Variants in CNTN5 observed in about 807,000 individuals in gnomAD.
CNTN5 encodes contactin 5.
In CNTN5, 77 loss-of-function variants were observed where a neutral mutation model predicts 129.1. The ratio of observed to expected loss-of-function variants is 0.60; its 90% CI spans 0.50 to 0.72. The LOEUF (loss-of-function observed/expected upper bound fraction) is 0.72, where lower values mean the gene tolerates loss of function less well. Among genes scored for constraint, CNTN5 ranks in the 30% least tolerant of loss-of-function variants. CNTN5 has a pLI of 0.00. For synonymous variants in CNTN5, 509 were observed against 465.6 expected, an observed-to-expected ratio of 1.09 and a Z score of -1.20; for missense variants, 1,478 against 1,328.8, an observed-to-expected ratio of 1.11 and a Z score of -1.75.
At chr11:99,821,114 G>A (rs1182770953) in intron 4 of CNTN5, among the ~76,000 whole-genome samples, 1 of 152,028 alleles carries the variant, frequency 6.6e-6, no homozygotes, top group South Asian at 2.1e-4. Context: ...ATTTTCTTTA[G>A]GCATTATTAT....
At chr11:99,177,792 C>T (rs565161767) in intron 1 of CNTN5, among the ~76,000 whole-genome samples, 1 of 152,156 alleles carries the variant, frequency 6.6e-6, no homozygotes, top group South Asian at 2.1e-4. Context: ...CATGAAAAGA[C>T]CAAAACAAAG....
At chr11:99,397,774 C>T (rs2136203169) in intron 2 of CNTN5, among the ~76,000 whole-genome samples, 1 of 151,776 alleles carries the variant, frequency 6.6e-6, no homozygotes, top group African/African-American at 2.4e-5. Flanking sequence ...TTCCTCAGTC[C>T]TAAAATCAAC....
chr11:99,896,348 G>T (rs1273335658), intron 6 of CNTN5, among the ~76,000 whole-genome samples: 1 of 152,162 alleles, frequency 6.6e-6, no homozygotes, highest in Non-Finnish European at 1.5e-5. Context: ...AGAAGTAGCT[G>T]ATAGGCCCTC....
chr11:99,879,694 T>C (rs1038410391), intron 6 of CNTN5, among the ~76,000 whole-genome samples: 1 of 152,212 alleles, frequency 6.6e-6, no homozygotes, highest in Non-Finnish European at 1.5e-5. Context: ...GGCAGTCCTA[T>C]GTCAAATAGT....
At chr11:99,835,299 GGAATGAAT>G (rs1162236529) in intron 4 of CNTN5, among the ~76,000 whole-genome samples, 1 of 152,144 alleles carries the variant, frequency 6.6e-6, no homozygotes, top group African/African-American at 2.4e-5. Context: ...AGTGAAAAAA[GGAATGAAT>G]GACTTGGATT....
intron 3 of CNTN5, among the ~76,000 whole-genome samples, chr11:99,799,383 G>GAC (rs2135472950): frequency 6.6e-6 from 1 of 151,968 alleles, no homozygotes; most frequent in African/African-American, 2.4e-5. Flanking sequence ...TTAGCTGTAG[G>GAC]TTTGTCATAA....
chr11:99,831,113 T>G (rs1301631015), intron 4 of CNTN5, among the ~76,000 whole-genome samples: 1 of 152,164 alleles, frequency 6.6e-6, no homozygotes, highest in African/African-American at 2.4e-5. Flanking sequence ...GAATTGAGGT[T>G]TCGGACCATG....
At chr11:99,968,008 G>T (rs568348547) in intron 8 of CNTN5, among the ~76,000 whole-genome samples, 1 of 152,278 alleles carries the variant, frequency 6.6e-6, no homozygotes, top group Non-Finnish European at 1.5e-5. Flanking sequence ...AGAAGTTGAG[G>T]TTGCTATATT....
chr11:100,060,952 T>A (rs1265877070), intron 9 of CNTN5, among the ~76,000 whole-genome samples: 1 of 152,212 alleles, frequency 6.6e-6, no homozygotes, highest in African/African-American at 2.4e-5. Context: ...ACAATGTTTT[T>A]AAAAATAAAT....
chr11:99,406,580 C>G (rs1248792641), intron 2 of CNTN5, among the ~76,000 whole-genome samples: 1 of 152,134 alleles, frequency 6.6e-6, no homozygotes, highest in African/African-American at 2.4e-5. Context: ...ATTCAAAGCC[C>G]TGGGGCTCTA....
intron 6 of CNTN5, among the ~76,000 whole-genome samples, chr11:99,915,067 T>A (rs1383330361): frequency 6.6e-6 from 1 of 152,050 alleles, no homozygotes; most frequent in African/African-American, 2.4e-5. Flanking sequence ...AATTTGTGCC[T>A]AATGGAAGAA....
chr11:100,303,262 ACGC>A (rs1229358748), intron 20 of CNTN5, among the ~76,000 whole-genome samples: 21 of 151,488 alleles, frequency 1.4e-4, no homozygotes, highest in Non-Finnish European at 2.4e-4. Context: ...TCTATACAAC[ACGC>A]TAATTTTGGA....
intron 3 of CNTN5, among the ~76,000 whole-genome samples, chr11:99,669,442 G>T (rs1376821791): frequency 7.6e-5 from 2 of 26,388 alleles, no homozygotes; most frequent in African/African-American, 1.4e-4. Flanking sequence ...ATTAAATATG[G>T]TGTGTGTGTG....
At chr11:99,875,338 A>C (rs907174119) in intron 6 of CNTN5, among the ~76,000 whole-genome samples, 1 of 151,968 alleles carries the variant, frequency 6.6e-6, no homozygotes, top group Non-Finnish European at 1.5e-5. Context: ...TAGTTCATAG[A>C]TTTGTTTGAA....
intron 2 of CNTN5, among the ~76,000 whole-genome samples, chr11:99,438,372 G>A (rs1042004242): frequency 1.1e-4 from 17 of 152,080 alleles, no homozygotes; most frequent in Non-Finnish European, 1.8e-4. Context: ...ATGACTATAT[G>A]TCACATATTT....
intron 13 of CNTN5, among the ~76,000 whole-genome samples, chr11:100,146,273 G>A (rs1946849600): frequency 6.6e-6 from 1 of 152,010 alleles, no homozygotes; most frequent in Non-Finnish European, 1.5e-5. Flanking sequence ...TCAAAATGTA[G>A]GCAGTGATTA....
At chr11:99,710,550 TGTGTGTGTGTGTGTGC>T (rs927491075) in intron 3 of CNTN5, among the ~76,000 whole-genome samples, 7 of 71,848 alleles carry the variant, frequency 9.7e-5, no homozygotes, top group Admixed American at 1.8e-4. Flanking sequence ...CTCTAGATTG[TGTGTGTGTGTGTGTGC>T]ATGTGTGTGT....
chr11:100,186,705 T>TCC (rs1948310684), intron 13 of CNTN5, among the ~76,000 whole-genome samples: 1 of 152,126 alleles, frequency 6.6e-6, no homozygotes, highest in Admixed American at 6.6e-5. Flanking sequence ...ACCTCACTGC[T>TCC]CCCTTCACTC....
intron 6 of CNTN5, among the ~76,000 whole-genome samples, chr11:99,848,313 C>T (rs998402069): frequency 6.6e-6 from 1 of 152,126 alleles, no homozygotes; most frequent in Non-Finnish European, 1.5e-5. Context: ...AGAATATACT[C>T]ACTGTTGCTG....
Sources: gnomAD v4.1 joint callset for allele counts (sites outside exome capture counted in the v4.1 genomes callset) on GRCh38, gnomAD v4.1.1 for gene constraint, MANE v1.5 for transcripts, NCBI Gene and HGNC (gene_info 2026-07-23, HGNC 2026-07-21) for gene names.